PTGFRN: variants seen among roughly 807,000 people sequenced by gnomAD.
PTGFRN encodes prostaglandin F2 receptor inhibitor, also known as prostaglandin F2 receptor negative regulator.
In PTGFRN, 35 loss-of-function variants were observed where a neutral mutation model predicts 83.2. The ratio of observed to expected loss-of-function variants is 0.42; its 90% CI spans 0.32 to 0.56. The LOEUF (loss-of-function observed/expected upper bound fraction) is 0.56, where lower values mean the gene tolerates loss of function less well. PTGFRN is among the 20% of genes least tolerant of loss of function. The pLI is 0.11. For synonymous variants in PTGFRN, 519 were observed against 498.6 expected, an observed-to-expected ratio of 1.04 and a Z score of -0.55; for missense variants, 1,051 against 1,179.5, an observed-to-expected ratio of 0.89 and a Z score of 1.60.
intron 7 of PTGFRN, 96 bp downstream of exon 7, chr1:116,974,419 G>A (rs1030634879): frequency 7.3e-6 from 7 of 953,710 alleles, no homozygotes; most frequent in Non-Finnish European, 1.1e-5. Flanking sequence ...GTTAGGGATA[G>A]GATTATCTAT....
chr1:116,910,770 C>T (rs1211650106), intron 1 of PTGFRN, among the ~76,000 whole-genome samples: 1 of 152,164 alleles, frequency 6.6e-6, no homozygotes, highest in African/African-American at 2.4e-5. Context: ...ACGAAGGTCA[C>T]AGGGTGGCCC....
In PTGFRN at chr1:116,988,806, C is replaced by T. The variant is rs1030331689; in HGVS notation, c.*1839C>T. On this transcript the variant is annotated 3_prime_UTR_variant, in exon 9 of 9. Transcript: ENST00000393203. ...GATTCTGCATTGACAGTAGCCTTTC[C>T]TTGGCCCGGGCCTGTGGTGGGAAGA... 2 of 152,622 alleles carry T rather than the reference C, an allele frequency of 1.3e-5. No individual in the cohort carries two copies. The highest frequency in any genetic ancestry group is 6.5e-5 in the Admixed American group (1 of 15,282). 9.5% of individuals were successfully genotyped at this position (152,622 alleles called of 1,614,324 possible).
intron 3 of PTGFRN, among the ~76,000 whole-genome samples, 173 bp from the exon 4 acceptor site, chr1:116,949,019 T>A (rs1235368789): frequency 6.6e-6 from 1 of 152,256 alleles, no homozygotes; most frequent in African/African-American, 2.4e-5. Context: ...AGAAATGTGG[T>A]ATGTTCTGTT....
chr1:116,972,170 G>A (rs565439977), intron 6 of PTGFRN, among the ~76,000 whole-genome samples: 6 of 152,324 alleles, frequency 3.9e-5, no homozygotes, highest in South Asian at 2.1e-4. Flanking sequence ...TATAAGGCCC[G>A]AGGGAGCCAG....
intron 3 of PTGFRN, 122 bp downstream of exon 3, chr1:116,945,214 G>A: frequency 7.7e-7 from 1 of 1,291,394 alleles, no homozygotes; most frequent in Admixed American, 2.7e-5. Context: ...CCCATGTGAG[G>A]CCTTATTTTT....
At chr1:116,922,133 G>A (rs1649551260) in intron 1 of PTGFRN, among the ~76,000 whole-genome samples, 1 of 152,170 alleles carries the variant, frequency 6.6e-6, no homozygotes. Context: ...AGCGCCCACA[G>A]AGCAGCTAAG....
chr1:116,911,451 C>A (rs563045259), intron 1 of PTGFRN, among the ~76,000 whole-genome samples: 2 of 152,328 alleles, frequency 1.3e-5, no homozygotes, highest in East Asian at 3.9e-4. Context: ...CTGTAACCCC[C>A]ATGACTCCTG....
rs1650156069 is a variant in PTGFRN at position 116,944,944 on chromosome 1, C to T, written c.684C>T (p.Asp228=). The change falls in exon 3 of 9, where the codon GAC becomes GAT. Residue 228 remains aspartate, a synonymous_variant. Transcript: ENST00000393203. ...GDVRLDTVGS[D]AYRLSVSRAL... ...TGCGCCTCGACACCGTGGGCAGCGA[C>T]GCCTACCGCCTCTCAGTGTCCCGGG... The T allele has an allele frequency of 2.5e-6, 4 of 1,613,166 alleles. No individual in the cohort carries two copies. Among genetic ancestry groups the T allele is most frequent in the Admixed American group, 1.7e-5 (1 of 59,998 alleles).
intron 7 of PTGFRN, among the ~76,000 whole-genome samples, chr1:116,981,275 C>T (rs567632372): frequency 6.6e-6 from 1 of 152,284 alleles, no homozygotes; most frequent in Non-Finnish European, 1.5e-5. Flanking sequence ...CCCTAATTCC[C>T]TATGGGCTTC....
rs754236663 is a variant in PTGFRN at position 116,967,030 on chromosome 1, A to G, written c.1759A>G (p.Ile587Val). ...TAAGTCGCCACGCTACTCTGTTCTCATCATGGCTGAGAAGCCTGTCGGCGA... is the reference window on the plus strand; with the variant it reads ...TAAGTCGCCACGCTACTCTGTTCTCGTCATGGCTGAGAAGCCTGTCGGCGA... ...NIKSPRYSVL[I>V]MAEKPVGDLS... The change falls in exon 6 of 9, where the codon ATC becomes GTC. Residue 587 changes from isoleucine to valine, a missense_variant. This residue lies in a region of PTGFRN where 719 missense variants were observed against 836.6 expected (regional missense o/e 0.86). Coordinates refer to ENST00000393203, the MANE Select transcript of PTGFRN (RefSeq NM_020440.4). The G allele has an allele frequency of 1.9e-5, 30 of 1,614,090 alleles. No homozygotes were observed. The highest frequency in any genetic ancestry group is 1.7e-4 in the Middle Eastern group (1 of 6,060).
rs541845102 is a variant in PTGFRN at position 116,984,787 on chromosome 1, C to T, written c.2275C>T (p.Arg759Trp). 1.2e-4 allele frequency: 200 copies of T among 1,614,058 alleles called. 2 individuals are homozygous for T. In the South Asian group the frequency reaches 2.1e-3, roughly 17 times the overall value. ...LDRKGIVTTS[R>W]RDWKSDLSLE... ...TCGGAAGGGCATCGTGACCACCTCC[C>T]GGAGGGACTGGAAGAGCGACCTCAG... The change falls in exon 8 of 9, where the codon CGG becomes TGG. Residue 759 changes from arginine (R) to tryptophan (W), a missense_variant. This residue lies in a region of PTGFRN where 719 missense variants were observed against 836.6 expected (regional missense o/e 0.86). Coordinates refer to ENST00000393203, the MANE Select transcript of PTGFRN (RefSeq NM_020440.4).
At chr1:116,962,238 G>A (rs1044076478) in intron 5 of PTGFRN, 3 of 152,754 alleles carry the variant, frequency 2.0e-5, no homozygotes, top group African/African-American at 7.3e-5. Flanking sequence ...TTCATTCTTT[G>A]AAGATGTTAG....
chr1:116,914,268 G>A (rs1009706768), intron 1 of PTGFRN, among the ~76,000 whole-genome samples: 1 of 152,204 alleles, frequency 6.6e-6, no homozygotes, highest in Non-Finnish European at 1.5e-5. Flanking sequence ...TGGAGTCTTT[G>A]TGGGTCAGAC....
rs543346169 is a variant in PTGFRN, at chr1:116,952,289, A to G, written c.1213+2717A>G. Among the ~76,000 whole-genome samples the G allele has an allele frequency of 1.1e-4, 17 of 152,114 alleles. No individual in the cohort carries two copies. Among genetic ancestry groups the G allele is most frequent in the African/African-American group, 4.1e-4 (17 of 41,486 alleles). ...CTTGTGTACTGAGCTAGGTGAGGGG[A>G]TTGAAGCTGATTGGGGTCTTCTAGA... On this transcript the variant is annotated intron_variant, in intron 4 of 8. Transcript: ENST00000393203. The surrounding 1 kb of genome is among the most constrained non-coding windows in gnomAD (Gnocchi z 4.0).
In PTGFRN at chr1:116,987,196, G is replaced by A; in HGVS notation, c.*229G>A. The stretch of plus-strand genomic sequence containing the variant: ...TTTCTGATGTAACAATCGAGTGTGT[G>A]TTTTCCCAACTGCAGCTTTTTAATG... On this transcript the variant is annotated 3_prime_UTR_variant, in exon 9 of 9. Transcript: ENST00000393203. 2.0e-6 allele frequency: 1 copy of A among 493,944 alleles called. No individual in the cohort carries two copies. Among genetic ancestry groups the A allele is most frequent in the East Asian group, 3.6e-5 (1 of 27,596 alleles). The allele number at this position is 493,944 out of a possible 1,614,324, so 30.6% of individuals were successfully genotyped here. A position where few individuals can be genotyped will look rare whatever the true frequency, so the allele number is the denominator to read the frequency against.
At chr1:116,935,734 C>T (rs1284494727) in intron 1 of PTGFRN, among the ~76,000 whole-genome samples, 2 of 151,884 alleles carry the variant, frequency 1.3e-5, no homozygotes, top group Non-Finnish European at 2.9e-5. Flanking sequence ...GTAACTGCCC[C>T]GAGAGGTAAG....
At chr1:116,945,178 C>A in intron 3 of PTGFRN, 86 bp downstream of exon 3, 1 of 1,477,106 alleles carries the variant, frequency 6.8e-7, no homozygotes, top group Non-Finnish European at 9.0e-7. Flanking sequence ...AGCCCCATGG[C>A]CTTCTGACAA....
At chr1:116,967,428 C>A in intron 6 of PTGFRN, 98 bp downstream of exon 6, 3 of 1,229,690 alleles carry the variant, frequency 2.4e-6, no homozygotes, top group Non-Finnish European at 3.4e-6. Flanking sequence ...TGTTAAGATG[C>A]AATTCATATG....
At chr1:116,911,326 C>T (rs920110340) in intron 1 of PTGFRN, among the ~76,000 whole-genome samples, 7 of 152,190 alleles carry the variant, frequency 4.6e-5, no homozygotes, top group Admixed American at 4.6e-4. Flanking sequence ...GTGTCCGTGC[C>T]ATTCAGGTCC....
Sources: gnomAD v4.1 joint callset for allele counts (sites outside exome capture counted in the v4.1 genomes callset) on GRCh38, gnomAD v4.1.1 for gene constraint, gnomAD v4.1.1 regional missense constraint, Gnocchi (gnomAD v3.1) non-coding constraint, MANE v1.5 for transcripts, NCBI Gene and HGNC (gene_info 2026-07-23, HGNC 2026-07-21) for gene names.